Variants in ISCU observed in about 807,000 individuals in gnomAD.
ISCU encodes iron-sulfur cluster assembly enzyme ISCU.
ISCU carries 13 observed loss-of-function variants against 18.4 expected under a neutral mutation model. The ratio of observed to expected loss-of-function variants is 0.71; its 90% CI spans 0.46 to 1.12. The LOEUF (loss-of-function observed/expected upper bound fraction) is 1.12, where lower values mean the gene tolerates loss of function less well. Among genes scored for constraint, ISCU ranks in the 50% most tolerant of loss-of-function variants. ISCU has a pLI of 0.00. For synonymous variants in ISCU, 104 were observed against 87.5 expected (o/e 1.19, Z -1.06); for missense variants, 229 against 208.7 (o/e 1.10, Z -0.60).
In ISCU at chr12:108,568,816, T is replaced by G; in HGVS notation, c.419-15T>G. ...CATCTAGAAACTTAGGCTTCTTTCCTTCCGTTACTTCCAGTGCTGGCTGAA... is the reference window on the plus strand; with the variant it reads ...CATCTAGAAACTTAGGCTTCTTTCCGTCCGTTACTTCCAGTGCTGGCTGAA... On this transcript the variant is annotated splice_polypyrimidine_tract_variant and intron_variant, in intron 4 of 4. Coordinates refer to ENST00000311893, the MANE Select transcript of ISCU (RefSeq NM_213595.4). 6.2e-7 allele frequency: 1 copy of G among 1,609,930 alleles called. No individual in the cohort carries two copies. Among genetic ancestry groups the G allele is most frequent in the Non-Finnish European group, 8.5e-7 (1 of 1,178,122 alleles).
At chr12:108,565,200 C>T (rs2030832102) in intron 2 of ISCU, 121 bp from the exon 3 acceptor site, 5 of 744,544 alleles carry the variant, frequency 6.7e-6, no homozygotes, top group Non-Finnish European at 1.2e-5. Flanking sequence ...TAATTAATGC[C>T]ATCACTTAGT....
intron 3 of ISCU, among the ~76,000 whole-genome samples, chr12:108,565,640 T>TA (rs1377784973): frequency 6.6e-6 from 1 of 152,224 alleles, no homozygotes; most frequent in Admixed American, 6.5e-5. Context: ...GTTAATTACA[T>TA]ATAAAAAAGA....
intron 1 of ISCU, 158 bp downstream of exon 1, chr12:108,562,894 C>T (rs1337745575): frequency 2.4e-6 from 1 of 424,746 alleles, no homozygotes; most frequent in Admixed American, 4.4e-5. Context: ...CTCACTGCAA[C>T]TGATAAACAA....
chr12:108,564,456 A>G, intron 2 of ISCU, 64 bp downstream of exon 2: 1 of 1,105,632 alleles, frequency 9.0e-7, no homozygotes, highest in Non-Finnish European at 1.4e-6. Flanking sequence ...GCACTTGCGC[A>G]TTTCACTTGG....
chr12:108,564,583 C>T lies in ISCU; in HGVS notation c.228+191C>T, dbSNP rs78338947. ...CAGGGCCTCAATCGTAGCTCTCCTGCTAGGCTAGTGTACTATGCCAACTTT... is the reference window on the plus strand; with the variant it reads ...CAGGGCCTCAATCGTAGCTCTCCTGTTAGGCTAGTGTACTATGCCAACTTT... On this transcript the variant is annotated intron_variant, in intron 2 of 4. Coordinates refer to ENST00000311893, the MANE Select transcript of ISCU (RefSeq NM_213595.4). Among the ~76,000 whole-genome samples the T allele has an allele frequency of 1.2e-3, 186 of 152,328 alleles. 4 individuals carry two copies. The East Asian group carries it at 0.033, about 27-fold the overall frequency.
rs1023305831 is a variant in ISCU, at chr12:108,569,140, A to C, written c.*224A>C. 5 of 559,284 alleles carry C rather than the reference A, an allele frequency of 8.9e-6. No homozygotes were observed. The highest frequency in any genetic ancestry group is 6.2e-5 in the Admixed American group (2 of 32,468). The allele number at this position is 559,284 out of a possible 1,614,324, so 34.6% of individuals were successfully genotyped here. ...CACTTTTATCGCCTTAACCTAGTTA[A>C]TGTATATTTTGAATTGTGTGTATGA... On this transcript the variant is annotated 3_prime_UTR_variant, in exon 5 of 5. Coordinates refer to ENST00000311893, the MANE Select transcript of ISCU (RefSeq NM_213595.4).
intron 3 of ISCU, 54 bp from the exon 4 acceptor site, chr12:108,567,136 C>A: frequency 7.5e-7 from 1 of 1,327,536 alleles, no homozygotes; most frequent in Non-Finnish European, 1.1e-6. Flanking sequence ...ATTGGCTGGC[C>A]CTCACAAGAT....
At chr12:108,568,027 C>A in intron 4 of ISCU, 1 of 1,507,864 alleles carries the variant, frequency 6.6e-7, no homozygotes, top group Non-Finnish European at 8.8e-7. Flanking sequence ...GTAATACTCA[C>A]AGCAGAAGAG....
At chr12:108,566,727 C>T (rs2030914426) in intron 3 of ISCU, among the ~76,000 whole-genome samples, 1 of 152,212 alleles carries the variant, frequency 6.6e-6, no homozygotes. Context: ...TGTGCCACTG[C>T]CACTGTGCTA....
chr12:108,563,682 G>T (rs750473465), intron 1 of ISCU: 14 of 289,422 alleles, frequency 4.8e-5, no homozygotes, highest in Admixed American at 9.7e-5. Flanking sequence ...GTGTTTTGTT[G>T]AGGGTACACC....
intron 3 of ISCU, 101 bp downstream of exon 3, chr12:108,565,532 A>G: frequency 1.3e-6 from 1 of 759,746 alleles, no homozygotes; most frequent in South Asian, 1.5e-5. Context: ...TGTTGATTAT[A>G]TTATCATTTC....
At chr12:108,562,804 G>T in intron 1 of ISCU, 68 bp downstream of exon 1, 1 of 922,606 alleles carries the variant, frequency 1.1e-6, no homozygotes, top group African/African-American at 1.7e-5. Context: ...GGCGGCCGCG[G>T]GGTTCTGCGC....
intron 4 of ISCU, 33 bp downstream of exon 4, chr12:108,567,301 G>A (rs1218810554): frequency 6.5e-7 from 1 of 1,549,856 alleles, no homozygotes; most frequent in Middle Eastern, 1.7e-4. Context: ...AGTCAGCTGG[G>A]ACATTTGGCA....
chr12:108,565,738 CAG>C (rs574060070), intron 3 of ISCU, among the ~76,000 whole-genome samples: 18 of 152,252 alleles, frequency 1.2e-4, no homozygotes, highest in Admixed American at 2.6e-4. Flanking sequence ...TTTCTCAAGT[CAG>C]AGAGTTGTTA....
intron 2 of ISCU, 148 bp downstream of exon 2, chr12:108,564,540 T>A: frequency 1.4e-6 from 1 of 699,282 alleles, no homozygotes; most frequent in South Asian, 1.6e-5. Context: ...GATGAGTCCA[T>A]GTTAGATATG....
At chr12:108,566,138 G>C (rs2030885349) in intron 3 of ISCU, among the ~76,000 whole-genome samples, 1 of 152,244 alleles carries the variant, frequency 6.6e-6, no homozygotes, top group African/African-American at 2.4e-5. Context: ...ACCAGGTTCA[G>C]GGAGCTGAGT....
chr12:108,562,647 C>A lies in ISCU; in HGVS notation c.25C>A (p.Leu9Met). The A allele has an allele frequency of 2.7e-6, 4 of 1,463,440 alleles. No individual in the cohort carries two copies. Among genetic ancestry groups the A allele is most frequent in the African/African-American group, 1.5e-5 (1 of 68,238 alleles). The allele number at this position is 1,463,440 out of a possible 1,614,324, so 90.7% of individuals were successfully genotyped here. Reference sequence around the variant, plus strand: ...GATGGCGGCGGCTGGGGCTTTCCGTCTGAGGCGGGCGGCATCGGCTCTGCT... The same window carrying A: ...GATGGCGGCGGCTGGGGCTTTCCGTATGAGGCGGGCGGCATCGGCTCTGCT... MAAAGAFR[L>M]RRAASALLLR... is the part of the protein sequence containing the mutation. The change falls in exon 1 of 5, where the codon CTG becomes ATG. Residue 9 changes from leucine to methionine, a missense_variant. Coordinates refer to ENST00000311893, the MANE Select transcript of ISCU (RefSeq NM_213595.4).
intron 4 of ISCU, 97 bp downstream of exon 4, chr12:108,567,365 T>A: frequency 9.8e-7 from 1 of 1,016,408 alleles, no homozygotes; most frequent in Non-Finnish European, 1.6e-6. Context: ...CCCACGTTTG[T>A]AACCCTCAGA....
chr12:108,567,344 A>G, intron 4 of ISCU, 76 bp downstream of exon 4: 1 of 1,182,484 alleles, frequency 8.5e-7, no homozygotes, highest in Non-Finnish European at 1.3e-6. Flanking sequence ...CAGTCCTTTT[A>G]GATCATGGAG....
Sources: gnomAD v4.1 joint callset for allele counts (sites outside exome capture counted in the v4.1 genomes callset) on GRCh38, gnomAD v4.1.1 for gene constraint, MANE v1.5 for transcripts, NCBI Gene and HGNC (gene_info 2026-07-23, HGNC 2026-07-21) for gene names.